TUT4: variants seen among roughly 807,000 people sequenced by gnomAD.
TUT4 encodes terminal uridylyl transferase 4.
A neutral mutation model predicts 192.2 loss-of-function variants in TUT4; 36 were observed. The observed-to-expected ratio is 0.19, with a 90% confidence interval of 0.14 to 0.25. The LOEUF (loss-of-function observed/expected upper bound fraction) is 0.25. TUT4 is among the 10% of genes least tolerant of loss of function. The pLI is 1.00. For missense variants in TUT4, 1,493 were observed against 1,957.2 expected, an observed-to-expected ratio of 0.76 and a Z score of 4.47; for synonymous variants, 618 against 666.0, an observed-to-expected ratio of 0.93 and a Z score of 1.11.
intron 14 of TUT4, 46 bp downstream of exon 14, chr1:52,471,906 C>A: frequency 6.5e-7 from 1 of 1,533,886 alleles, no homozygotes; most frequent in Non-Finnish European, 8.8e-7. Flanking sequence ...TATTTAATAT[C>A]TAAGAAGGAA....
At chr1:52,526,932 G>A (rs1681938122) in intron 1 of TUT4, among the ~76,000 whole-genome samples, 1 of 152,172 alleles carries the variant, frequency 6.6e-6, no homozygotes, top group Non-Finnish European at 1.5e-5. Context: ...GCTGAGACAG[G>A]AAAATCACTT....
At chr1:52,475,609 C>A (rs1211478349) in intron 12 of TUT4, 74 bp from the exon 13 acceptor site, 11 of 1,310,112 alleles carry the variant, frequency 8.4e-6, no homozygotes, top group Admixed American at 2.5e-5. Context: ...ACAAGTAGAT[C>A]TTAACTGATA....
At chr1:52,531,413 A>G (rs565851131) in intron 1 of TUT4, among the ~76,000 whole-genome samples, 5 of 152,038 alleles carry the variant, frequency 3.3e-5, no homozygotes, top group Non-Finnish European at 7.4e-5. Flanking sequence ...GTGATCCTGA[A>G]AGCAGAAATG....
chr1:52,497,435 A>G (rs1036233418), intron 4 of TUT4, among the ~76,000 whole-genome samples: 1 of 152,244 alleles, frequency 6.6e-6, no homozygotes, highest in Non-Finnish European at 1.5e-5. Context: ...TACTGTCTGC[A>G]TAAATTCTGA....
chr1:52,440,836 T>A (rs2148347012), intron 24 of TUT4, among the ~76,000 whole-genome samples: 1 of 152,282 alleles, frequency 6.6e-6, no homozygotes, highest in Non-Finnish European at 1.5e-5. Context: ...CACAAAAAAA[T>A]TTTATTGAAG....
chr1:52,436,526 A>T (rs1322191730), intron 26 of TUT4, among the ~76,000 whole-genome samples: 1 of 152,152 alleles, frequency 6.6e-6, no homozygotes, highest in Non-Finnish European at 1.5e-5. Context: ...AAGAATACTT[A>T]CAGGGAGATA....
chr1:52,500,346 A>C (rs1233836336), intron 4 of TUT4, among the ~76,000 whole-genome samples: 1 of 152,140 alleles, frequency 6.6e-6, no homozygotes, highest in Non-Finnish European at 1.5e-5. Flanking sequence ...TCAGAAACTA[A>C]AACTAGGCCA....
At chr1:52,438,084 C>T (rs1654384706) in intron 25 of TUT4, 136 bp downstream of exon 25, 1 of 601,010 alleles carries the variant, frequency 1.7e-6, no homozygotes. Context: ...CAAAATTCCA[C>T]TCAAATGAAC....
chr1:52,431,459 G>A lies in TUT4; in HGVS notation c.4265C>T (p.Ser1422Phe). 6.5e-7 allele frequency: 1 copy of A among 1,537,006 alleles called. No homozygotes were observed. Among genetic ancestry groups the A allele is most frequent in the East Asian group, 2.3e-5 (1 of 43,726 alleles). ...SIRTRQSSEC[S>F]ESPSYSPQPQ... ...CTGAGGAGAATAAGATGGTGATTCA[G>A]ACTGCAGACAAAAAAAAAATTTTTT... Residue 1422 changes from serine (S) to phenylalanine (F), a missense_variant and splice_region_variant, in exon 28 of 30, where the codon TCT (serine) becomes TTT (phenylalanine). By Grantham distance (155) the Ser-to-Phe change is radical. Transcript: ENST00000257177.
intron 1 of TUT4, among the ~76,000 whole-genome samples, chr1:52,533,642 G>A (rs1684079201): frequency 6.6e-6 from 1 of 151,942 alleles, no homozygotes; most frequent in African/African-American, 2.4e-5. Context: ...CCTTGTTTTT[G>A]GTGGAACATA....
intron 4 of TUT4, among the ~76,000 whole-genome samples, chr1:52,502,497 A>G (rs1191712575): frequency 3.3e-5 from 5 of 151,290 alleles, no homozygotes; most frequent in Non-Finnish European, 7.4e-5. Flanking sequence ...TAATACTATC[A>G]CCTGTGCTCT....
chr1:52,435,557 C>T, intron 26 of TUT4, 92 bp from the exon 27 acceptor site: 1 of 946,510 alleles, frequency 1.1e-6, no homozygotes, highest in Non-Finnish European at 1.6e-6. Flanking sequence ...AAAAGAATCT[C>T]AAATATCTCT....
chr1:52,493,327 C>T (rs1170041645), intron 7 of TUT4, among the ~76,000 whole-genome samples: 4 of 152,130 alleles, frequency 2.6e-5, no homozygotes, highest in African/African-American at 4.8e-5. Flanking sequence ...AGGTGATCCA[C>T]CCATCTCAGC....
At chr1:52,532,279 A>T (rs1683679102) in intron 1 of TUT4, among the ~76,000 whole-genome samples, 1 of 151,232 alleles carries the variant, frequency 6.6e-6, no homozygotes. Context: ...ATTTTTATTT[A>T]TCTCCATATT....
chr1:52,441,444 A>ATTTTTTTTTTTTTTTTTTTTT (rs557710242), intron 24 of TUT4, among the ~76,000 whole-genome samples: 2 of 119,984 alleles, frequency 1.7e-5, no homozygotes, highest in Non-Finnish European at 1.7e-5. Context: ...TCTCGGCTAA[A>ATTTTTTTTTTTTTTTTTTTTT]TTTTTTTTTT....
chr1:52,430,290 CTTT>C lies in TUT4; in HGVS notation c.4711+720_4711+722del, dbSNP rs200459155. Among the ~76,000 whole-genome samples, 441 of 151,898 alleles carry C rather than the reference CTTT, an allele frequency of 2.9e-3. 2 individuals are homozygous for C. The highest frequency in any genetic ancestry group is 0.01 in the African/African-American group (420 of 41,432). On this transcript the variant is annotated intron_variant, in intron 28 of 29. Coordinates refer to ENST00000257177, the MANE Select transcript of TUT4 (RefSeq NM_001009881.3). Reference sequence around the variant, plus strand: ...CATTAATTTTTTTGGTTTCCTTGATCTTTTTTTTGTTTGAGACAGTTCTGCTCT... The same window carrying C: ...CATTAATTTTTTTGGTTTCCTTGATCTTTTTGTTTGAGACAGTTCTGCTCT...
At chr1:52,515,717 G>C in intron 3 of TUT4, 174 bp downstream of exon 3, 2 of 732,852 alleles carry the variant, frequency 2.7e-6, no homozygotes, top group Non-Finnish European at 2.3e-6. Context: ...TGCTGAAAAA[G>C]AGAGGCAAGG....
chr1:52,473,323 A>G (rs1406890554), intron 13 of TUT4, among the ~76,000 whole-genome samples: 2 of 152,152 alleles, frequency 1.3e-5, no homozygotes, highest in African/African-American at 2.4e-5. Flanking sequence ...TGCAAAATAA[A>G]TAAGTTCTGG....
intron 4 of TUT4, among the ~76,000 whole-genome samples, chr1:52,498,368 C>T (rs1024489708): frequency 2.6e-5 from 4 of 151,556 alleles, no homozygotes; most frequent in African/African-American, 7.3e-5. Context: ...CTCAGCCTTC[C>T]GAGTAGCTGG....
Sources: gnomAD v4.1 joint callset for allele counts (sites outside exome capture counted in the v4.1 genomes callset) on GRCh38, gnomAD v4.1.1 for gene constraint, MANE v1.5 for transcripts, NCBI Gene and HGNC (gene_info 2026-07-23, HGNC 2026-07-21) for gene names.